KCNMA1: variants seen among roughly 807,000 people sequenced by gnomAD.
The protein encoded by KCNMA1 is Calcium-activated potassium channel subunit alpha-1.
Under a neutral mutation model 140.0 loss-of-function variants are expected in KCNMA1, and 29 were observed. The ratio of observed to expected loss-of-function variants is 0.21; its 90% CI spans 0.15 to 0.28. KCNMA1 has a LOEUF of 0.28. Among genes scored for constraint, KCNMA1 ranks in the 10% least tolerant of loss-of-function variants. KCNMA1 has a pLI of 1.00. For synonymous variants in KCNMA1, 612 were observed against 611.9 expected, an observed-to-expected ratio of 1.00 and a Z score of 0.00; for missense variants, 880 against 1,602.2, an observed-to-expected ratio of 0.55 and a Z score of 7.70.
At chr10:77,410,572 T>C (rs569783994) in intron 1 of KCNMA1, among the ~76,000 whole-genome samples, 1 of 152,370 alleles carries the variant, frequency 6.6e-6, no homozygotes, top group Non-Finnish European at 1.5e-5. Context: ...TTTTCAAAAA[T>C]GTAACTGAAA....
intron 1 of KCNMA1, among the ~76,000 whole-genome samples, chr10:77,602,710 C>T (rs1361142830): frequency 2.0e-5 from 3 of 152,138 alleles, no homozygotes; most frequent in Non-Finnish European, 4.4e-5. Context: ...TGCAATCCTA[C>T]CATAGGAGAC....
chr10:77,128,702 C>G (rs2097792623), intron 5 of KCNMA1, among the ~76,000 whole-genome samples: 1 of 152,082 alleles, frequency 6.6e-6, no homozygotes, highest in Admixed American at 6.5e-5. Context: ...CTCAACTTTG[C>G]TGTAAATAAT....
chr10:77,137,205 G>T (rs1042281455), intron 5 of KCNMA1, among the ~76,000 whole-genome samples: 1 of 152,054 alleles, frequency 6.6e-6, no homozygotes, highest in Non-Finnish European at 1.5e-5. Context: ...CTCGGGAGAG[G>T]ACAAGACAGA....
chr10:77,137,839 T>G (rs2098081030), intron 5 of KCNMA1, among the ~76,000 whole-genome samples: 1 of 152,154 alleles, frequency 6.6e-6, no homozygotes, highest in African/African-American at 2.4e-5. Context: ...TGGAGTGCAG[T>G]GGCACGATCA....
At chr10:76,913,961 T>C in intron 24 of KCNMA1, 1 of 932,120 alleles carries the variant, frequency 1.1e-6, no homozygotes, top group Admixed American at 2.1e-5. Context: ...GCCTTTCTGT[T>C]ACAGCCGGTG....
rs755529896 is a variant in KCNMA1 at position 77,053,353 on chromosome 10, T to G, written c.1750-13716A>C. ...ATGGGAAAGAATAGTCAGCAAATCT[T>G]CACTGTTGCAGAGGACTGGGAAAAA... On this transcript the variant is annotated intron_variant, in intron 14 of 27. Transcript: ENST00000286628. Among the ~76,000 whole-genome samples the G allele has an allele frequency of 2.9e-4, 44 of 152,188 alleles. 1 individual carries two copies. Among genetic ancestry groups the G allele is most frequent in the Admixed American group, 9.2e-4 (14 of 15,278 alleles).
In KCNMA1 at chr10:77,089,697, T is replaced by G. The variant is rs550975213; in HGVS notation, c.1334+703A>C. Among the ~76,000 whole-genome samples, 35 of 152,316 alleles carry G rather than the reference T, an allele frequency of 2.3e-4. No homozygotes were observed. In the South Asian group the frequency reaches 4.6e-3, roughly 20 times the overall value. On this transcript the variant is annotated intron_variant, in intron 10 of 27. Coordinates refer to ENST00000286628, the MANE Select transcript of KCNMA1 (RefSeq NM_001161352.2). ...TCTGCTCTGCACACTTCATATGGAT[T>G]AATTCATTTCATTCTCATCACAGCC...
At chr10:77,358,747 T>C (rs1249881266) in intron 2 of KCNMA1, among the ~76,000 whole-genome samples, 1 of 152,210 alleles carries the variant, frequency 6.6e-6, no homozygotes, top group Non-Finnish European at 1.5e-5. Context: ...AAATTTCCAG[T>C]AACATCTACC....
intron 1 of KCNMA1, among the ~76,000 whole-genome samples, chr10:77,516,487 G>GT (rs2050496673): frequency 6.6e-6 from 1 of 152,206 alleles, no homozygotes; most frequent in Admixed American, 6.5e-5. Context: ...CATCTGCTTC[G>GT]TTTTCTGCAG....
rs997191404 is a variant in KCNMA1, at chr10:76,885,969, T to C, written c.*1297A>G. The C allele has an allele frequency of 1.0e-6, 1 of 985,460 alleles. No individual in the cohort carries two copies. The highest frequency in any genetic ancestry group is 1.2e-6 in the Non-Finnish European group (1 of 829,934). 61.0% of individuals were successfully genotyped at this position (985,460 alleles called of 1,614,324 possible). A position where few individuals can be genotyped will look rare whatever the true frequency, so the allele number is the denominator to read the frequency against. The stretch of plus-strand genomic sequence containing the variant: ...TATTGCCGTCATTACCCTGCCTAAA[T>C]TGGCTACATTAAAGAAAGTGATGAT... On this transcript the variant is annotated 3_prime_UTR_variant, in exon 28 of 28. Transcript: ENST00000286628.
intron 5 of KCNMA1, among the ~76,000 whole-genome samples, chr10:77,155,563 C>T (rs1209037468): frequency 6.6e-6 from 1 of 152,146 alleles, no homozygotes; most frequent in Non-Finnish European, 1.5e-5. Context: ...GAAGCACGCT[C>T]AGCCATGGCT....
In KCNMA1 at chr10:77,609,635, AT is replaced by A. The variant is rs1453178194; in HGVS notation, c.378+27629del. ...GGTATATGAGATAATGCATACGATA[AT>A]TAGCTCAATTCAGCCATTCCACAAT... On this transcript the variant is annotated intron_variant, in intron 1 of 27. Coordinates refer to ENST00000286628, the MANE Select transcript of KCNMA1 (RefSeq NM_001161352.2). 2.0e-5 allele frequency among the ~76,000 whole-genome samples: 3 copies of A among 152,236 alleles called. No individual in the cohort carries two copies. In the East Asian group the frequency reaches 5.8e-4, roughly 29 times the overall value.
chr10:77,426,476 C>G (rs992729059), intron 1 of KCNMA1, among the ~76,000 whole-genome samples: 1 of 152,120 alleles, frequency 6.6e-6, no homozygotes, highest in Admixed American at 6.6e-5. Flanking sequence ...GTGAACGACT[C>G]GAGGTCACAC....
chr10:77,170,725 G>A (rs932693018), intron 5 of KCNMA1, among the ~76,000 whole-genome samples: 2 of 152,152 alleles, frequency 1.3e-5, no homozygotes, highest in Non-Finnish European at 2.9e-5. Flanking sequence ...GAGAGTTTAG[G>A]AAGCGATATC....
intron 2 of KCNMA1, among the ~76,000 whole-genome samples, chr10:77,312,700 T>A (rs1171455148): frequency 1.3e-5 from 2 of 151,696 alleles, no homozygotes; most frequent in Non-Finnish European, 2.9e-5. Flanking sequence ...GAAAAGGGAG[T>A]ACTCATTGTT....
At chr10:77,025,252 A>ATATATG in intron 16 of KCNMA1, among the ~76,000 whole-genome samples, 3 of 83,696 alleles carry the variant, frequency 3.6e-5, no homozygotes, top group Admixed American at 3.2e-4. Flanking sequence ...GTATATATAT[A>ATATATG]TATATATATA....
chr10:77,127,305 A>T (rs2097763817), intron 5 of KCNMA1, among the ~76,000 whole-genome samples: 1 of 152,064 alleles, frequency 6.6e-6, no homozygotes, highest in Admixed American at 6.6e-5. Context: ...CACAAATGAG[A>T]CAGTGTATCC....
intron 3 of KCNMA1, among the ~76,000 whole-genome samples, chr10:77,231,216 T>C (rs1482126413): frequency 6.6e-6 from 1 of 152,204 alleles, no homozygotes; most frequent in Non-Finnish European, 1.5e-5. Context: ...ATGTCGAAGA[T>C]ACATAAGTTC....
intron 1 of KCNMA1, among the ~76,000 whole-genome samples, chr10:77,573,637 GGAATGGAATAGAATA>G (rs1238954738): frequency 0.024 from 1,867 of 78,236 alleles, 18 homozygotes; most frequent in Non-Finnish European, 0.029. Context: ...GGAATGGAAT[GGAATGGAATAGAATA>G]GAATAGAATA....
Sources: gnomAD v4.1 joint callset for allele counts (sites outside exome capture counted in the v4.1 genomes callset) on GRCh38, gnomAD v4.1.1 for gene constraint, MANE v1.5 for transcripts, NCBI Gene and HGNC (gene_info 2026-07-23, HGNC 2026-07-21) for gene names.